D2HGDH: variants seen among roughly 807,000 people sequenced by gnomAD.
The protein encoded by D2HGDH is D-2-hydroxyglutarate dehydrogenase, also known as D-2-hydroxyglutarate dehydrogenase, mitochondrial.
Under a neutral mutation model 46.9 loss-of-function variants are expected in D2HGDH, and 31 were observed. The observed-to-expected ratio is 0.66, with a 90% CI of 0.50 to 0.89. The LOEUF is 0.89. Among genes scored for constraint, D2HGDH ranks in the 40% least tolerant of loss-of-function variants. D2HGDH has a pLI of 0.00. For missense variants in D2HGDH, 698 were observed against 720.8 expected (o/e 0.97, Z 0.36); for synonymous variants, 364 against 332.6 (o/e 1.09, Z -1.03).
rs1040655244 is a variant in D2HGDH, at chr2:241,735,095, C to A, written c.-92-38C>A. 12 of 987,928 alleles carry A rather than the reference C, an allele frequency of 1.2e-5. 1 individual carries two copies. The highest frequency in any genetic ancestry group is 2.8e-6 in the Non-Finnish European group (2 of 713,166). 61.2% of individuals were successfully genotyped at this position (987,928 alleles called of 1,614,324 possible). On this transcript the variant is annotated intron_variant, in intron 1 of 9. Transcript: ENST00000321264. ...TGCAAGCGTGTTTCAATTTGTACAA[C>A]GTGCATAAAACATGAAATTACCCTT...
intron 6 of D2HGDH, among the ~76,000 whole-genome samples, chr2:241,747,439 C>T (rs1321263299): frequency 6.6e-6 from 1 of 151,960 alleles, no homozygotes; most frequent in Non-Finnish European, 1.5e-5. Context: ...GTCTGTTCAG[C>T]CTGAGAGTGA....
intron 8 of D2HGDH, chr2:241,754,792 G>A (rs1211999210): frequency 1.1e-5 from 3 of 267,500 alleles, no homozygotes; most frequent in African/African-American, 2.3e-5. Flanking sequence ...TTTAAGAGAC[G>A]GGGTCTCCCT....
In D2HGDH at chr2:241,762,886, G is replaced by A. The variant is rs557351514; in HGVS notation, c.1307-4824G>A. Among the ~76,000 whole-genome samples the A allele has an allele frequency of 1.8e-3, 277 of 152,310 alleles. 1 individual carries two copies. The highest frequency in any genetic ancestry group is 6.4e-3 in the African/African-American group (265 of 41,562). ...GTGTTCTGTGTCTGGAAATGACAGC[G>A]TCTGAGGTGTTTGTGGGTCTGATTC... On this transcript the variant is annotated intron_variant, in intron 9 of 9. Coordinates refer to ENST00000321264, the MANE Select transcript of D2HGDH (RefSeq NM_152783.5).
chr2:241,736,519 G>A (rs1482943654), intron 2 of D2HGDH, among the ~76,000 whole-genome samples: 1 of 151,952 alleles, frequency 6.6e-6, no homozygotes, highest in African/African-American at 2.4e-5. Flanking sequence ...TCCAGTCTCT[G>A]CCTCTGTTTT....
chr2:241,757,676 G>C (rs1698316805), intron 9 of D2HGDH, among the ~76,000 whole-genome samples: 1 of 152,088 alleles, frequency 6.6e-6, no homozygotes, highest in Non-Finnish European at 1.5e-5. Flanking sequence ...AGCAAGAATG[G>C]GCCAGGCGCA....
intron 9 of D2HGDH, among the ~76,000 whole-genome samples, chr2:241,756,960 C>A (rs1042409243): frequency 6.6e-6 from 1 of 152,176 alleles, no homozygotes; most frequent in Non-Finnish European, 1.5e-5. Context: ...CTTCCCTGGC[C>A]TGGTGGCACT....
chr2:241,767,911 C>G lies in D2HGDH; in HGVS notation c.1508C>G (p.Ala503Gly). 1 of 1,602,322 alleles carries G rather than the reference C, an allele frequency of 6.2e-7. No homozygotes were observed. The highest frequency in any genetic ancestry group is 8.5e-7 in the Non-Finnish European group (1 of 1,175,226). The part of the protein sequence containing the change: ...GALQLMQQLK[A>G]LLDPKGILNP... ...CTGCAGCTCATGCAGCAGCTCAAGG[C>G]CCTGCTGGACCCCAAGGGCATCCTC... The change falls in exon 10 of 10, where the codon GCC (alanine) becomes GGC (glycine). Residue 503 changes from alanine (A) to glycine (G), a missense_variant. Physicochemically the swap from Ala to Gly is moderately conservative, Grantham distance 60 (BLOSUM62 0). Transcript: ENST00000321264.
chr2:241,755,771 A>G (rs767596077), intron 8 of D2HGDH, 78 bp from the exon 9 acceptor site: 2 of 1,612,102 alleles, frequency 1.2e-6, no homozygotes, highest in Non-Finnish European at 1.7e-6. Context: ...CTGCTGCCCT[A>G]ACCCCGTGTG....
In D2HGDH at chr2:241,750,131, C is replaced by T; in HGVS notation, c.854-20C>T. The stretch of plus-strand genomic sequence containing the variant: ...GGGTTTAGCTCCGTGTGGTGCTTGA[C>T]ATGCTGTGACCCGTTTCAGGCTGCC... On this transcript the variant is annotated intron_variant, in intron 6 of 9. Transcript: ENST00000321264. The T allele has an allele frequency of 6.2e-7, 1 of 1,613,804 alleles. No homozygotes were observed. Among genetic ancestry groups the T allele is most frequent in the Non-Finnish European group, 8.5e-7 (1 of 1,180,028 alleles).
intron 6 of D2HGDH, among the ~76,000 whole-genome samples, chr2:241,746,496 A>G (rs772784618): frequency 1.4e-4 from 21 of 152,204 alleles, no homozygotes; most frequent in Non-Finnish European, 2.2e-4. Context: ...TTTGACGTCT[A>G]TAATCCCAGC....
intron 8 of D2HGDH, among the ~76,000 whole-genome samples, chr2:241,753,850 C>G (rs539404403): frequency 1.3e-5 from 2 of 152,352 alleles, no homozygotes; most frequent in African/African-American, 4.8e-5. Context: ...AGCCTTGCCC[C>G]ATAAACTCAC....
In D2HGDH at chr2:241,744,294, C is replaced by T. The variant is rs568423805; in HGVS notation, c.685-415C>T. Among the ~76,000 whole-genome samples the T allele has an allele frequency of 1.2e-4, 19 of 152,358 alleles. No individual in the cohort carries two copies. In the East Asian group the frequency reaches 1.5e-3, roughly 12 times the overall value. ...TTTGGTGCCATCCAGTAAATTATGA[C>T]GCTTCAGTAGCTTTTTTTTCTGGCC... On this transcript the variant is annotated intron_variant, in intron 5 of 9. Transcript: ENST00000321264.
At chr2:241,757,649 C>G (rs1412048798) in intron 9 of D2HGDH, among the ~76,000 whole-genome samples, 4 of 152,134 alleles carry the variant, frequency 2.6e-5, no homozygotes, top group African/African-American at 9.7e-5. Flanking sequence ...GGAATGAGCC[C>G]TCTGTTACTT....
chr2:241,734,634 C>T lies in D2HGDH; in HGVS notation c.-154C>T, dbSNP rs1193769882. The T allele has an allele frequency of 6.6e-6, 1 of 151,404 alleles. No homozygotes were observed. The highest frequency in any genetic ancestry group is 2.4e-5 in the African/African-American group (1 of 41,340). 9.4% of individuals were successfully genotyped at this position (151,404 alleles called of 1,614,324 possible). Reference sequence around the variant, plus strand: ...AGGCGCGGCGTCGCCCCGCCCACTCCGGCTCGGCGGCTCTGGGCCTGCGGC... The same window carrying T: ...AGGCGCGGCGTCGCCCCGCCCACTCTGGCTCGGCGGCTCTGGGCCTGCGGC... On this transcript the variant is annotated 5_prime_UTR_variant, in exon 1 of 10. Transcript: ENST00000321264.
Position 241,749,041 on chromosome 2 carries a change from G to C in D2HGDH, c.854-1110G>C, listed in dbSNP as rs967835517. 1.8e-5 allele frequency: 18 copies of C among 1,000,330 alleles called. 1 individual carries two copies. The highest frequency in any genetic ancestry group is 1.9e-5 in the Non-Finnish European group (16 of 837,774). The allele number at this position is 1,000,330 out of a possible 1,614,324, so 62.0% of individuals were successfully genotyped here. On this transcript the variant is annotated intron_variant, in intron 6 of 9. Coordinates refer to ENST00000321264, the MANE Select transcript of D2HGDH (RefSeq NM_152783.5). ...TGGTCCTGGTGTCCCTCGTGCTCGT[G>C]GGCTCGGTCCAGCTCTCCAGGGCCC... is the stretch of plus-strand genomic sequence containing the variant.
intron 2 of D2HGDH, among the ~76,000 whole-genome samples, chr2:241,739,550 A>G (rs1447418325): frequency 6.6e-6 from 1 of 152,242 alleles, no homozygotes; most frequent in Non-Finnish European, 1.5e-5. Flanking sequence ...CTCCACGAAG[A>G]GGTGACAGGC....
At chr2:241,734,882 C>CG (rs1181651174) in intron 1 of D2HGDH, 187 bp downstream of exon 1, 34 of 267,502 alleles carry the variant, frequency 1.3e-4, no homozygotes, top group Middle Eastern at 2.1e-3. Context: ...GGGATCCCCT[C>CG]GGGGGGCGAG....
intron 2 of D2HGDH, among the ~76,000 whole-genome samples, chr2:241,740,029 C>T (rs542799394): frequency 6.6e-6 from 1 of 152,168 alleles, no homozygotes; most frequent in Non-Finnish European, 1.5e-5. Context: ...CCTGTAGTCC[C>T]AGCTGCTTGG....
intron 6 of D2HGDH, among the ~76,000 whole-genome samples, chr2:241,745,731 T>G (rs1242086367): frequency 1.3e-5 from 2 of 152,250 alleles, no homozygotes; most frequent in Non-Finnish European, 2.9e-5. Context: ...CTCGTTCATT[T>G]CCTGCAGTAA....
Sources: allele counts gnomAD v4.1 joint callset (sites outside exome capture counted in the v4.1 genomes callset), GRCh38; gene constraint gnomAD v4.1.1; transcripts MANE v1.5; gene names NCBI Gene and HGNC (gene_info 2026-07-23, HGNC 2026-07-21).